The following USP25 variants were observed in gnomAD, a reference collection of about 807,000 sequenced individuals.
The protein encoded by USP25 is ubiquitin specific peptidase 25, also known as ubiquitin carboxyl-terminal hydrolase 25.
A neutral mutation model predicts 158.5 loss-of-function variants in USP25; 85 were observed. The observed-to-expected ratio is 0.54, with a 90% CI of 0.45 to 0.64. The LOEUF is 0.64. Among genes scored for constraint, USP25 ranks in the 30% least tolerant of loss-of-function variants. The probability of loss-of-function intolerance (pLI) is 0.00; values close to 1 mark genes in which losing one functional copy is unlikely to be tolerated. For synonymous variants in USP25, 464 were observed against 460.4 expected, an observed-to-expected ratio of 1.01 and a Z score of -0.10; for missense variants, 1,242 against 1,327.3, an observed-to-expected ratio of 0.94 and a Z score of 1.00.
chr21:15,799,160 C>T (rs1448161879), intron 5 of USP25, among the ~76,000 whole-genome samples: 1 of 151,166 alleles, frequency 6.6e-6, no homozygotes, highest in Non-Finnish European at 1.5e-5. Flanking sequence ...TTGCAAACTA[C>T]AGTTTAAAAA....
chr21:15,778,369 G>A (rs924401841), intron 4 of USP25, among the ~76,000 whole-genome samples: 1 of 151,898 alleles, frequency 6.6e-6, no homozygotes, highest in Non-Finnish European at 1.5e-5. Flanking sequence ...TCTGTAAAGG[G>A]CTAATAGTAA....
At chr21:15,796,311 A>C (rs2035859615) in intron 5 of USP25, among the ~76,000 whole-genome samples, 1 of 151,504 alleles carries the variant, frequency 6.6e-6, no homozygotes, top group Non-Finnish European at 1.5e-5. Context: ...ATGGTAGATG[A>C]GGTTGTTTTA....
rs1018288890 is a variant in USP25 at position 15,800,293 on chromosome 21, T to C, written c.642+450T>C. The stretch of plus-strand genomic sequence containing the variant: ...TTTGGAAGTGACTGTCATAGATGGG[T>C]AATATAAAGTGACAACACACACACC... On this transcript the variant is annotated intron_variant, in intron 6 of 25. Coordinates refer to ENST00000400183, the MANE Select transcript of USP25 (RefSeq NM_001283041.3). 3.3e-5 allele frequency among the ~76,000 whole-genome samples: 5 copies of C among 151,316 alleles called. No homozygotes were observed. The East Asian group carries it at 9.7e-4, about 29-fold the overall frequency.
intron 2 of USP25, among the ~76,000 whole-genome samples, chr21:15,764,049 T>TC (rs1389605198): frequency 1.3e-5 from 2 of 152,016 alleles, no homozygotes; most frequent in Non-Finnish European, 2.9e-5. Flanking sequence ...TTCACCTTAT[T>TC]CCCCCATCAG....
At chr21:15,756,191 T>C (rs1462606631) in intron 1 of USP25, among the ~76,000 whole-genome samples, 1 of 152,174 alleles carries the variant, frequency 6.6e-6, no homozygotes, top group Admixed American at 6.5e-5. Context: ...TTCTCTGGTT[T>C]ATATAGATTC....
intron 1 of USP25, among the ~76,000 whole-genome samples, chr21:15,755,819 C>G (rs1331961882): frequency 6.6e-6 from 1 of 152,120 alleles, no homozygotes; most frequent in Non-Finnish European, 1.5e-5. Flanking sequence ...ATATGAGGCT[C>G]TAAAAAGGGC....
At chr21:15,836,201 A>G (rs2038056227) in intron 17 of USP25, among the ~76,000 whole-genome samples, 1 of 152,194 alleles carries the variant, frequency 6.6e-6, no homozygotes, top group African/African-American at 2.4e-5. Context: ...TCCCTGCAAA[A>G]TCTTCTCGTT....
chr21:15,793,282 G>T (rs1375938972), intron 5 of USP25, among the ~76,000 whole-genome samples: 2 of 151,564 alleles, frequency 1.3e-5, no homozygotes, highest in African/African-American at 4.8e-5. Flanking sequence ...TATCCTGTAT[G>T]TGTAGGGAAG....
chr21:15,851,363 C>T (rs1387332586), intron 20 of USP25, among the ~76,000 whole-genome samples: 1 of 152,030 alleles, frequency 6.6e-6, no homozygotes, highest in African/African-American at 2.4e-5. Context: ...TAATTCATAT[C>T]TTTAAATAGA....
chr21:15,783,214 A>C (rs1479479508), intron 4 of USP25, among the ~76,000 whole-genome samples: 1 of 152,110 alleles, frequency 6.6e-6, no homozygotes, highest in Non-Finnish European at 1.5e-5. Flanking sequence ...AGAAGAAAAA[A>C]AAAAAAGAAT....
intron 4 of USP25, among the ~76,000 whole-genome samples, chr21:15,783,679 CG>C (rs956862876): frequency 6.6e-6 from 1 of 151,722 alleles, no homozygotes; most frequent in Non-Finnish European, 1.5e-5. Context: ...AAAGAAGGGC[CG>C]GGCGCAGTGG....
intron 4 of USP25, among the ~76,000 whole-genome samples, chr21:15,785,424 A>G (rs1179308604): frequency 6.6e-6 from 1 of 152,224 alleles, no homozygotes; most frequent in African/African-American, 2.4e-5. Flanking sequence ...TCAACTGTGC[A>G]TGGAATATTC....
intron 1 of USP25, among the ~76,000 whole-genome samples, chr21:15,753,886 C>G (rs1282315062): frequency 6.6e-6 from 1 of 151,472 alleles, no homozygotes; most frequent in Non-Finnish European, 1.5e-5. Flanking sequence ...GCATCCAGAG[C>G]TACAAAAAGT....
chr21:15,859,199 G>T (rs1300147951), intron 20 of USP25, among the ~76,000 whole-genome samples: 71 of 142,676 alleles, frequency 5.0e-4, no homozygotes, highest in African/African-American at 1.8e-3. Flanking sequence ...TTTGTTTTGT[G>T]TTTTTTTTTT....
chr21:15,809,021 T>C, intron 8 of USP25, 136 bp downstream of exon 8: 1 of 637,584 alleles, frequency 1.6e-6, no homozygotes, highest in Non-Finnish European at 2.4e-6. Flanking sequence ...ACAAGCTGTT[T>C]AGAATTTGCA....
In USP25 at chr21:15,730,212, G is replaced by A; in HGVS notation, c.-182G>A. On this transcript the variant is annotated 5_prime_UTR_variant, in exon 1 of 26. Coordinates refer to ENST00000400183, the MANE Select transcript of USP25 (RefSeq NM_001283041.3). Reference sequence around the variant, plus strand: ...TGGCCCTCACAGTCGGCGTTTCGCCGCCTGCCCGCGGTGCCCGCGCACGCC... The same window carrying A: ...TGGCCCTCACAGTCGGCGTTTCGCCACCTGCCCGCGGTGCCCGCGCACGCC... 1.7e-6 allele frequency: 1 copy of A among 590,326 alleles called. No individual in the cohort carries two copies. The highest frequency in any genetic ancestry group is 2.1e-6 in the Non-Finnish European group (1 of 470,358). 36.6% of individuals were successfully genotyped at this position (590,326 alleles called of 1,614,324 possible). A position where few individuals can be genotyped will look rare whatever the true frequency, so the allele number is the denominator to read the frequency against.
intron 12 of USP25, among the ~76,000 whole-genome samples, chr21:15,825,611 C>T (rs1483966573): frequency 6.6e-6 from 1 of 152,018 alleles, no homozygotes; most frequent in Non-Finnish European, 1.5e-5. Context: ...TTCTAAAAGA[C>T]GTCAGAATCT....
At chr21:15,868,461 A>C (rs1453930080) in intron 22 of USP25, among the ~76,000 whole-genome samples, 1 of 152,172 alleles carries the variant, frequency 6.6e-6, no homozygotes, top group African/African-American at 2.4e-5. Context: ...TGCTTCCTTC[A>C]GTTTGCTTCA....
chr21:15,878,470 A>T lies in USP25; in HGVS notation c.3373A>T (p.Arg1125Ter). 1 of 1,613,936 alleles carries T rather than the reference A, an allele frequency of 6.2e-7. No individual in the cohort carries two copies. Among genetic ancestry groups the T allele is most frequent in the Admixed American group, 1.7e-5 (1 of 60,014 alleles). The change falls in exon 26 of 26, where the codon AGA becomes TGA. Residue 1125 changes from arginine (R) to a stop codon, truncating the protein, a stop_gained. Transcript: ENST00000400183. LOFTEE classifies it high-confidence loss of function. ...CCTCAGTCGAACTCCTGCTGATGGA[A>T]GATAAACTGCACACTTTCCCTGAAC... ...LSLSRTPADG[R>*]
Sources: gnomAD v4.1 joint callset for allele counts (sites outside exome capture counted in the v4.1 genomes callset) on GRCh38, gnomAD v4.1.1 for gene constraint, MANE v1.5 for transcripts, NCBI Gene and HGNC (gene_info 2026-07-23, HGNC 2026-07-21) for gene names.